IFNLR1: variants seen among roughly 807,000 people sequenced by gnomAD.
IFNLR1 encodes the protein CRF2-12.
Under a neutral mutation model 52.5 loss-of-function variants are expected in IFNLR1, and 28 were observed. The ratio of observed to expected loss-of-function variants is 0.53; its 90% CI spans 0.40 to 0.73. The LOEUF (loss-of-function observed/expected upper bound fraction) is 0.73, where lower values mean the gene tolerates loss of function less well. Ranked by LOEUF, IFNLR1 falls within the 30% of genes least tolerant of loss-of-function variation. The pLI, the probability that IFNLR1 is intolerant of heterozygous loss-of-function variation, is 0.00. For synonymous variants in IFNLR1, 276 were observed against 274.9 expected (o/e 1.00, Z -0.04); for missense variants, 623 against 659.1 (o/e 0.95, Z 0.60).
chr1:24,168,900 A>C (rs564701772), intron 3 of IFNLR1, among the ~76,000 whole-genome samples: 2 of 152,066 alleles, frequency 1.3e-5, no homozygotes, highest in African/African-American at 2.4e-5. Flanking sequence ...CCTGCCACCA[A>C]GCCTGGCTAA....
chr1:24,167,636 C>T (rs143003631), intron 3 of IFNLR1, among the ~76,000 whole-genome samples: 78 of 151,924 alleles, frequency 5.1e-4, no homozygotes, highest in African/African-American at 1.8e-3. Flanking sequence ...CCATCCGCCT[C>T]GGCCTCCCAA....
At position 24,182,880 on chromosome 1, in the gene IFNLR1, A is replaced by G. The variant is rs989091086; in HGVS notation, c.59-2026T>C. 7.2e-5 allele frequency among the ~76,000 whole-genome samples: 11 copies of G among 152,140 alleles called. No individual in the cohort carries two copies. In the East Asian group the frequency reaches 2.1e-3, roughly 29 times the overall value. ...GGTTGCAGTGAGCAGAGATCACACC[A>G]CTGTACTCCAGCCTGGTGACACAGT... On this transcript the variant is annotated intron_variant, in intron 1 of 6. Coordinates refer to ENST00000327535, the MANE Select transcript of IFNLR1 (RefSeq NM_170743.4).
At chr1:24,168,436 G>A (rs989971059) in intron 3 of IFNLR1, among the ~76,000 whole-genome samples, 2 of 148,672 alleles carry the variant, frequency 1.3e-5, no homozygotes, top group Non-Finnish European at 3.0e-5. Flanking sequence ...GGCCCTGCCC[G>A]AGGTCAGAAA....
chr1:24,159,697 C>G, intron 4 of IFNLR1, 64 bp from the exon 5 acceptor site: 2 of 1,373,656 alleles, frequency 1.5e-6, no homozygotes, highest in Non-Finnish European at 2.0e-6. Flanking sequence ...ACAGCCAGGA[C>G]AGAGTGGGGT....
intron 1 of IFNLR1, among the ~76,000 whole-genome samples, chr1:24,181,167 C>T (rs186048073): frequency 6.6e-6 from 1 of 152,160 alleles, no homozygotes; most frequent in African/African-American, 2.4e-5. Flanking sequence ...AGCCACATCC[C>T]CAGAGCCTGC....
intron 3 of IFNLR1, among the ~76,000 whole-genome samples, chr1:24,168,679 C>G (rs1644544361): frequency 6.6e-6 from 1 of 151,788 alleles, no homozygotes; most frequent in African/African-American, 2.4e-5. Context: ...ATCTTTACCC[C>G]CCCACCCCCC....
chr1:24,168,346 T>C (rs1410777773), intron 3 of IFNLR1, among the ~76,000 whole-genome samples: 4 of 152,202 alleles, frequency 2.6e-5, no homozygotes, highest in African/African-American at 9.7e-5. Context: ...CCTTGAACAC[T>C]GTGAGAAGCC....
intron 2 of IFNLR1, among the ~76,000 whole-genome samples, chr1:24,170,027 G>A (rs1644563136): frequency 6.6e-6 from 1 of 152,244 alleles, no homozygotes; most frequent in African/African-American, 2.4e-5. Flanking sequence ...AGGGGAACAT[G>A]CAGGTCCATG....
intron 3 of IFNLR1, among the ~76,000 whole-genome samples, chr1:24,162,778 T>TC (rs1557643927): frequency 2.9e-5 from 1 of 33,948 alleles, no homozygotes; most frequent in African/African-American, 1.3e-4. Flanking sequence ...CTTTCTTTCT[T>TC]TTTCTTTCTT....
Position 24,155,244 on chromosome 1 carries a change from G to A in IFNLR1, c.*1886C>T, listed in dbSNP as rs953102349. ...TGTGTGTGTGTGCCCCAGCAGCGGTGAAGGCCTCCTGACCCTTAGAAATCC... is the reference window on the plus strand; with the variant it reads ...TGTGTGTGTGTGCCCCAGCAGCGGTAAAGGCCTCCTGACCCTTAGAAATCC... On this transcript the variant is annotated 3_prime_UTR_variant, in exon 7 of 7. Coordinates refer to ENST00000327535, the MANE Select transcript of IFNLR1 (RefSeq NM_170743.4). The A allele has an allele frequency of 9.8e-5, 15 of 152,406 alleles. No homozygotes were observed. The highest frequency in any genetic ancestry group is 3.6e-4 in the African/African-American group (15 of 41,532). 9.4% of individuals were successfully genotyped at this position (152,406 alleles called of 1,614,324 possible). A position where few individuals can be genotyped will look rare whatever the true frequency, so the allele number is the denominator to read the frequency against.
chr1:24,186,253 G>T (rs1251660438), intron 1 of IFNLR1, among the ~76,000 whole-genome samples: 1 of 152,100 alleles, frequency 6.6e-6, no homozygotes, highest in Admixed American at 6.6e-5. Context: ...TACCCTGGAG[G>T]CAAAAGCTAG....
At chr1:24,177,979 T>C (rs1644651561) in intron 2 of IFNLR1, among the ~76,000 whole-genome samples, 1 of 152,132 alleles carries the variant, frequency 6.6e-6, no homozygotes, top group South Asian at 2.1e-4. Flanking sequence ...TTAGGCATTT[T>C]ATCTTAAAAA....
intron 4 of IFNLR1, 106 bp from the exon 5 acceptor site, chr1:24,159,739 T>G (rs1644422769): frequency 2.3e-5 from 23 of 987,212 alleles, no homozygotes; most frequent in African/African-American, 6.8e-5. Flanking sequence ...TTTTTTTTGT[T>G]TTTTTTTTTT....
chr1:24,166,137 G>A (rs1244267885), intron 3 of IFNLR1, among the ~76,000 whole-genome samples: 1 of 152,028 alleles, frequency 6.6e-6, no homozygotes, highest in Non-Finnish European at 1.5e-5. Context: ...CTTCTAGCCA[G>A]AGAGCCTTCC....
chr1:24,166,097 T>C (rs1485987979), intron 3 of IFNLR1, among the ~76,000 whole-genome samples: 3 of 152,164 alleles, frequency 2.0e-5, no homozygotes, highest in Non-Finnish European at 4.4e-5. Context: ...TTCCTACCCA[T>C]TCAGCAATTA....
chr1:24,162,727 TC>T lies in IFNLR1; in HGVS notation c.368-1044del, dbSNP rs1438290537. Among the ~76,000 whole-genome samples, 6 of 5,630 alleles carry T rather than the reference TC, an allele frequency of 1.1e-3. 1 individual carries two copies. In the South Asian group the frequency reaches 0.059, roughly 55 times the overall value. 3.7% of individuals were successfully genotyped at this position (5,630 alleles called of 152,430 possible). On this transcript the variant is annotated intron_variant, in intron 3 of 6. Coordinates refer to ENST00000327535, the MANE Select transcript of IFNLR1 (RefSeq NM_170743.4). ...TTTTCTTTTCTTTCTTTCTTTCTTT[TC>T]TTTCTTTCTTTCTTTCTTTCTTTCT...
intron 4 of IFNLR1, among the ~76,000 whole-genome samples, chr1:24,160,285 C>T (rs550298394): frequency 5.1e-4 from 78 of 152,302 alleles, no homozygotes; most frequent in African/African-American, 1.6e-3. Context: ...CGCGTGACTA[C>T]TGAGTATGTG....
At chr1:24,167,209 T>C (rs4649196) in intron 3 of IFNLR1, among the ~76,000 whole-genome samples, 150,328 of 152,308 alleles carry the variant, frequency 0.99, 74,224 homozygotes, top group East Asian at 1. Flanking sequence ...CTCTGATTGT[T>C]GGGCCTGTGG....
intron 2 of IFNLR1, among the ~76,000 whole-genome samples, chr1:24,176,392 A>G (rs1351316235): frequency 2.0e-5 from 3 of 152,242 alleles, no homozygotes; most frequent in African/African-American, 7.2e-5. Context: ...AACGTCTTAC[A>G]TCTTGATTGT....
Sources: allele counts gnomAD v4.1 joint callset (sites outside exome capture counted in the v4.1 genomes callset), GRCh38; gene constraint gnomAD v4.1.1; transcripts MANE v1.5; gene names NCBI Gene and HGNC (gene_info 2026-07-23, HGNC 2026-07-21).